AACS: variants seen among roughly 807,000 people sequenced by gnomAD.
AACS encodes acetoacetate-CoA ligase.
A neutral mutation model predicts 83.1 loss-of-function variants in AACS; 69 were observed. The ratio of observed to expected loss-of-function variants is 0.83; its 90% CI spans 0.68 to 1.01. AACS has a LOEUF of 1.01. Ranked by LOEUF, AACS falls within the 50% of genes least tolerant of loss-of-function variation. AACS has a pLI of 0.00. For synonymous variants in AACS, 333 were observed against 343.4 expected, an observed-to-expected ratio of 0.97 and a Z score of 0.33; for missense variants, 866 against 882.2, an observed-to-expected ratio of 0.98 and a Z score of 0.23.
rs768713139 is a variant in AACS, at chr12:125,094,578, T to G, written c.570+3055T>G. On this transcript the variant is annotated intron_variant, in intron 5 of 17. Coordinates refer to ENST00000316519, the MANE Select transcript of AACS (RefSeq NM_023928.5). This position sits in a 1 kb window ranked among gnomAD's most constrained non-coding sequence, Gnocchi z 4.1. ...CCAGGGAGTGCTGGGGCATCCGTCT[T>G]TACTCGATGACACTGGGGGAACGCG... Among the ~76,000 whole-genome samples, 212 of 152,080 alleles carry G rather than the reference T, an allele frequency of 1.4e-3. 7 individuals carry two copies. Among genetic ancestry groups the G allele is most frequent in the Non-Finnish European group, 4.1e-4 (28 of 68,014 alleles).
chr12:125,085,574 G>A (rs1445991760), intron 3 of AACS, among the ~76,000 whole-genome samples: 2 of 152,110 alleles, frequency 1.3e-5, no homozygotes, highest in South Asian at 2.1e-4. Flanking sequence ...GCACATGCAC[G>A]TCGCATCCAC....
At chr12:125,107,049 G>A (rs894247834) in intron 7 of AACS, 72 bp from the exon 8 acceptor site, 41 of 1,595,906 alleles carry the variant, frequency 2.6e-5, no homozygotes, top group Admixed American at 2.0e-4. Flanking sequence ...GGAAGTGCAC[G>A]GGTGGAATCA....
intron 5 of AACS, among the ~76,000 whole-genome samples, chr12:125,098,597 G>A (rs1325515477): frequency 1.3e-5 from 2 of 151,966 alleles, no homozygotes; most frequent in Non-Finnish European, 2.9e-5. Context: ...GACTACAGGC[G>A]TGCGCCACCA....
chr12:125,141,250 G>A (rs1000013225), intron 17 of AACS: 1 of 152,664 alleles, frequency 6.6e-6, no homozygotes, highest in Admixed American at 6.5e-5. Flanking sequence ...TGAACCCTGA[G>A]AGATACTCTT....
At chr12:125,084,915 C>T (rs1486233992) in intron 3 of AACS, among the ~76,000 whole-genome samples, 4 of 152,076 alleles carry the variant, frequency 2.6e-5, no homozygotes, top group African/African-American at 9.7e-5. Flanking sequence ...GTCTCACTAT[C>T]TTACCCAGGC....
At chr12:125,102,453 G>A (rs1041197249) in intron 5 of AACS, 2 of 456,070 alleles carry the variant, frequency 4.4e-6, no homozygotes, top group Non-Finnish European at 8.1e-6. Flanking sequence ...GGTCCTATTG[G>A]CTACTGAAGG....
In AACS at chr12:125,097,081, G is replaced by A. The variant is rs1335706184; in HGVS notation, c.570+5558G>A. ...GGCAGGGTGTATGTTAGCATCAGAC[G>A]CAAGGAGGGCTAGCCCTGGTGGCCT... On this transcript the variant is annotated intron_variant, in intron 5 of 17. Coordinates refer to ENST00000316519, the MANE Select transcript of AACS (RefSeq NM_023928.5). This position sits in a 1 kb window ranked among gnomAD's most constrained non-coding sequence, Gnocchi z 4.3. 1.3e-5 allele frequency among the ~76,000 whole-genome samples: 2 copies of A among 152,152 alleles called. No homozygotes were observed. The highest frequency in any genetic ancestry group is 6.5e-5 in the Admixed American group (1 of 15,278).
chr12:125,091,408 C>T lies in AACS; in HGVS notation c.473-18C>T, dbSNP rs1390948313. 6.2e-7 allele frequency: 1 copy of T among 1,613,798 alleles called. No homozygotes were observed. The highest frequency in any genetic ancestry group is 2.2e-5 in the East Asian group (1 of 44,874). Reference sequence around the variant, plus strand: ...ATACACCCTGAACCCAAGGCTTCTTCCTATGTTTTCTCCACAGGTTATTTA... The same window carrying T: ...ATACACCCTGAACCCAAGGCTTCTTTCTATGTTTTCTCCACAGGTTATTTA... On this transcript the variant is annotated intron_variant, in intron 4 of 17. Transcript: ENST00000316519.
intron 9 of AACS, among the ~76,000 whole-genome samples, chr12:125,117,238 C>T (rs1041802144): frequency 2.6e-5 from 4 of 152,044 alleles, no homozygotes; most frequent in African/African-American, 9.7e-5. Flanking sequence ...ATGGAAAAAC[C>T]CTGTCTCTAC....
chr12:125,134,912 G>A (rs1957381084), intron 16 of AACS, 60 bp downstream of exon 16: 4 of 1,571,546 alleles, frequency 2.5e-6, no homozygotes, highest in Non-Finnish European at 3.5e-6. Context: ...GGTCCTGGCG[G>A]GAGCCCCAGG....
chr12:125,068,259 C>T (rs1239781619), intron 1 of AACS, among the ~76,000 whole-genome samples: 1 of 152,072 alleles, frequency 6.6e-6, no homozygotes, highest in Non-Finnish European at 1.5e-5. Flanking sequence ...GAGTTTGAGA[C>T]CAGCCTGGGC....
intron 3 of AACS, among the ~76,000 whole-genome samples, chr12:125,081,074 T>C (rs1956170584): frequency 1.3e-5 from 2 of 151,906 alleles, no homozygotes; most frequent in South Asian, 2.1e-4. Context: ...TTCACTGCAA[T>C]CTCCACCTCC....
intron 3 of AACS, among the ~76,000 whole-genome samples, chr12:125,085,808 G>A (rs116849702): frequency 0.014 from 2,131 of 152,182 alleles, 21 homozygotes; most frequent in Non-Finnish European, 0.023. Flanking sequence ...ATTCCCGGTA[G>A]AAAATCTTAT....
rs961902531 is a variant in AACS at position 125,097,689 on chromosome 12, C to G, written c.571-4990C>G. 1.3e-5 allele frequency among the ~76,000 whole-genome samples: 2 copies of G among 152,184 alleles called. No homozygotes were observed. Among genetic ancestry groups the G allele is most frequent in the Non-Finnish European group, 2.9e-5 (2 of 68,038 alleles). On this transcript the variant is annotated intron_variant, in intron 5 of 17. Coordinates refer to ENST00000316519, the MANE Select transcript of AACS (RefSeq NM_023928.5). This position sits in a 1 kb window ranked among gnomAD's most constrained non-coding sequence, Gnocchi z 4.3. ...TGAGAGCACTTCAGCCTTCCTTCCC[C>G]CTGTCCAGTCAGCACTGGCGGGGCT...
At position 125,076,546 on chromosome 12, in the gene AACS, G is replaced by T; in HGVS notation, c.293G>T (p.Arg98Leu). ...ADVPEWFKGS[R>L]LNYAENLLRH... Reference sequence around the variant, plus strand: ...GTCCCCGAGTGGTTCAAAGGCAGTCGGCTCAACTATGCAGAAAACCTCCTG... The same window carrying T: ...GTCCCCGAGTGGTTCAAAGGCAGTCTGCTCAACTATGCAGAAAACCTCCTG... Residue 98 changes from arginine (R) to leucine (L), a missense_variant, in exon 3 of 18, where the codon CGG becomes CTG. Physicochemically the swap from Arg to Leu is moderately radical, Grantham distance 102 (BLOSUM62 -2). Coordinates refer to ENST00000316519, the MANE Select transcript of AACS (RefSeq NM_023928.5). 6.2e-7 allele frequency: 1 copy of T among 1,614,108 alleles called. No homozygotes were observed. Among genetic ancestry groups the T allele is most frequent in the East Asian group, 2.2e-5 (1 of 44,882 alleles).
Position 125,114,528 on chromosome 12 carries a change from A to G in AACS, c.967A>G (p.Ser323Gly). ...KEHLLHGNMT[S>G]SDILLCYTTV... ...GCACCTGCTGCACGGCAACATGACC[A>G]GCAGTGACATCCTCCTGTGCTACAC... The change falls in exon 9 of 18, where the codon AGC becomes GGC. Residue 323 changes from serine (S) to glycine (G), a missense_variant. Transcript: ENST00000316519. 6.2e-7 allele frequency: 1 copy of G among 1,613,534 alleles called. No individual in the cohort carries two copies.
chr12:125,077,270 G>A (rs1208918399), intron 3 of AACS, among the ~76,000 whole-genome samples: 2 of 151,766 alleles, frequency 1.3e-5, no homozygotes, highest in Admixed American at 1.3e-4. Context: ...TTCCACTTTG[G>A]GAGGCCAAGG....
chr12:125,071,887 C>A (rs541179678), intron 1 of AACS, among the ~76,000 whole-genome samples: 1 of 152,138 alleles, frequency 6.6e-6, no homozygotes, highest in Non-Finnish European at 1.5e-5. Flanking sequence ...GACAGAGTTT[C>A]GCTCTTGTTG....
At chr12:125,110,332 A>G (rs530033140) in intron 8 of AACS, among the ~76,000 whole-genome samples, 2 of 151,758 alleles carry the variant, frequency 1.3e-5, no homozygotes, top group South Asian at 4.2e-4. Flanking sequence ...TGGCCTCCCA[A>G]AGTGCTGGGA....
Sources: gnomAD v4.1 joint callset for allele counts (sites outside exome capture counted in the v4.1 genomes callset) on GRCh38, gnomAD v4.1.1 for gene constraint, Gnocchi (gnomAD v3.1) non-coding constraint, MANE v1.5 for transcripts, NCBI Gene and HGNC (gene_info 2026-07-23, HGNC 2026-07-21) for gene names.